HERC1: variants seen among roughly 807,000 people sequenced by gnomAD.
HERC1 encodes the protein probable E3 ubiquitin-protein ligase HERC1.
In HERC1, 160 loss-of-function variants were observed where a neutral mutation model predicts 554.3. That is an observed-to-expected ratio of 0.29 (90% CI 0.25 to 0.33). The LOEUF (loss-of-function observed/expected upper bound fraction) is 0.33, where lower values mean the gene tolerates loss of function less well. Among genes scored for constraint, HERC1 ranks in the 10% least tolerant of loss-of-function variants. The pLI, the probability that HERC1 is intolerant of heterozygous loss-of-function variation, is 1.00. For missense variants in HERC1, 4,919 were observed against 5,918.5 expected (o/e 0.83, Z 5.54); for synonymous variants, 2,175 against 2,131.7 (o/e 1.02, Z -0.56).
At position 63,678,097 on chromosome 15, in the gene HERC1, T is replaced by C. The variant is rs2071296070; in HGVS notation, c.6818A>G (p.Lys2273Arg). Residue 2273 changes from lysine (K) to arginine (R), a missense_variant, in exon 37 of 78, where the codon AAG becomes AGG. Around this residue, in one of 11 missense-constraint regions of HERC1, gnomAD observed 1,963 missense variants for 2,228.6 expected, o/e 0.88. Coordinates refer to ENST00000443617, the MANE Select transcript of HERC1 (RefSeq NM_003922.4). ...ACCTTTCTCTTCCTCTTTGCTCTCC[T>C]TCTCCTCTCTCATTTCATTTTCCTC... is the stretch of plus-strand genomic sequence containing the variant. ...SREENEMREEKESKEEEKGKH... is the reference protein window; with the variant it reads ...SREENEMREERESKEEEKGKH... 2.4e-5 allele frequency: 39 copies of C among 1,613,996 alleles called. No individual in the cohort carries two copies. The highest frequency in any genetic ancestry group is 3.2e-5 in the Non-Finnish European group (38 of 1,179,888).
At chr15:63,610,398 G>A (rs2067533200) in intron 77 of HERC1, among the ~76,000 whole-genome samples, 1 of 152,194 alleles carries the variant, frequency 6.6e-6, no homozygotes, top group Non-Finnish European at 1.5e-5. Context: ...AACCGACCAC[G>A]GTAGTCAGTT....
At chr15:63,625,833 C>A (rs1266267414) in intron 71 of HERC1, 152 bp downstream of exon 71, 14 of 804,100 alleles carry the variant, frequency 1.7e-5, no homozygotes, top group Non-Finnish European at 2.7e-5. Flanking sequence ...GTCCCTAACA[C>A]AGCAATAAAA....
Position 63,675,131 on chromosome 15 carries a change from C to G in HERC1, c.7071-14G>C. 6.4e-7 allele frequency: 1 copy of G among 1,561,476 alleles called. No homozygotes were observed. Among genetic ancestry groups the G allele is most frequent in the Non-Finnish European group, 8.7e-7 (1 of 1,154,578 alleles). On this transcript the variant is annotated splice_polypyrimidine_tract_variant and intron_variant, in intron 37 of 77. Transcript: ENST00000443617. Reference sequence around the variant, plus strand: ...AAAGTTGGGAAGCTTTAATAAAGATCAGAATGACACAGGAAGAAGCAAGTG... The same window carrying G: ...AAAGTTGGGAAGCTTTAATAAAGATGAGAATGACACAGGAAGAAGCAAGTG...
Position 63,674,721 on chromosome 15 carries a change from A to G in HERC1, c.7467T>C (p.His2489=), listed in dbSNP as rs745785326. The G allele has an allele frequency of 8.7e-6, 14 of 1,613,640 alleles. No homozygotes were observed. The highest frequency in any genetic ancestry group is 2.7e-5 in the African/African-American group (2 of 74,904). Residue 2489 remains histidine (H), a synonymous_variant, in exon 38 of 78, where the codon CAT becomes CAC. Transcript: ENST00000443617. ...HQITEGKRKN[H]EHMSKNHDVA... ...CATCATGGTTTTTGGACATGTGTTC[A>G]TGATTTTTTCTTTTCCCTTCTGTTA...
At chr15:63,616,820 T>C (rs994022996) in intron 74 of HERC1, 138 bp from the exon 75 acceptor site, 13 of 763,848 alleles carry the variant, frequency 1.7e-5, no homozygotes, top group African/African-American at 1.6e-4. Flanking sequence ...GCTAAAGTAA[T>C]TAAATAAAAC....
chr15:63,656,037 ATCAG>A, intron 49 of HERC1, 47 bp downstream of exon 49: 3 of 1,600,944 alleles, frequency 1.9e-6, no homozygotes, highest in Non-Finnish European at 2.6e-6. Flanking sequence ...AGGCTCAAGA[ATCAG>A]TCAGAAATAA....
At chr15:63,735,800 C>T (rs1288373892) in intron 12 of HERC1, among the ~76,000 whole-genome samples, 1 of 152,074 alleles carries the variant, frequency 6.6e-6, no homozygotes, top group Non-Finnish European at 1.5e-5. Context: ...AATTCAAGTA[C>T]ACAAGAAGAA....
In HERC1 at chr15:63,749,896, A is replaced by G. The variant is rs1450847186; in HGVS notation, c.1903-105T>C. Reference sequence around the variant, plus strand: ...AAACTAAAGTGTGGTTTGATAGTAAATAACTTTCTGATGTTAAAATCATTT... The same window carrying G: ...AAACTAAAGTGTGGTTTGATAGTAAGTAACTTTCTGATGTTAAAATCATTT... On this transcript the variant is annotated intron_variant, in intron 8 of 77. Coordinates refer to ENST00000443617, the MANE Select transcript of HERC1 (RefSeq NM_003922.4). The surrounding 1 kb of genome is among the most constrained non-coding windows in gnomAD (Gnocchi z 4.1). 5 of 922,064 alleles carry G rather than the reference A, an allele frequency of 5.4e-6. No homozygotes were observed. The highest frequency in any genetic ancestry group is 5.8e-5 in the East Asian group (2 of 34,688). The allele number at this position is 922,064 out of a possible 1,614,324, so 57.1% of individuals were successfully genotyped here.
chr15:63,820,020 G>T (rs902493055), intron 1 of HERC1, among the ~76,000 whole-genome samples: 4 of 152,236 alleles, frequency 2.6e-5, no homozygotes, highest in African/African-American at 9.6e-5. Flanking sequence ...ATGACTAAAT[G>T]AAGTAATGTA....
At chr15:63,654,965 G>A (rs1165901698) in intron 50 of HERC1, among the ~76,000 whole-genome samples, 1 of 152,166 alleles carries the variant, frequency 6.6e-6, no homozygotes, top group East Asian at 1.9e-4. Flanking sequence ...AAACCAGGAT[G>A]GAGATGGCAT....
At chr15:63,623,938 C>T (rs750918092) in intron 72 of HERC1, 48 bp from the exon 73 acceptor site, 2 of 1,585,408 alleles carry the variant, frequency 1.3e-6, no homozygotes, top group Non-Finnish European at 1.7e-6. Context: ...TTACCAATTT[C>T]CCCAAAATCA....
chr15:63,785,205 C>A (rs893076226), intron 1 of HERC1, among the ~76,000 whole-genome samples: 1 of 151,758 alleles, frequency 6.6e-6, no homozygotes, highest in Non-Finnish European at 1.5e-5. Flanking sequence ...TGGGAGGAAG[C>A]TTTAGGCCAG....
intron 25 of HERC1, among the ~76,000 whole-genome samples, chr15:63,702,787 A>C (rs1224939205): frequency 6.6e-6 from 1 of 152,190 alleles, no homozygotes; most frequent in Non-Finnish European, 1.5e-5. Flanking sequence ...AAGCAGAAGA[A>C]ATGTTTCATC....
Position 63,678,313 on chromosome 15 carries a change from C to T in HERC1, c.6602G>A (p.Gly2201Glu). The T allele has an allele frequency of 6.2e-7, 1 of 1,612,874 alleles. No individual in the cohort carries two copies. The highest frequency in any genetic ancestry group is 8.5e-7 in the Non-Finnish European group (1 of 1,179,490). Residue 2201 changes from glycine (G) to glutamate (E), a missense_variant, in exon 37 of 78, where the codon GGA becomes GAA. By Grantham distance (98) the Gly-to-Glu change is moderately conservative (BLOSUM62 -2). Transcript: ENST00000443617. ...TGCTACTGGACTACAAATAGGGTCT[C>T]CTGGAAGTAAGTCTCGGGGTGTGCC... ...MRGTPRDLLPGDPICSPVAAV... is the reference protein window; with the variant it reads ...MRGTPRDLLPEDPICSPVAAV...
At chr15:63,672,107 A>C (rs1180942123) in intron 39 of HERC1, among the ~76,000 whole-genome samples, 1 of 152,240 alleles carries the variant, frequency 6.6e-6, no homozygotes, top group Non-Finnish European at 1.5e-5. Context: ...GTATGCTTAA[A>C]ATGAAAACAA....
chr15:63,739,864 G>A (rs994009007), intron 12 of HERC1, among the ~76,000 whole-genome samples: 8 of 151,256 alleles, frequency 5.3e-5, no homozygotes, highest in African/African-American at 1.7e-4. Flanking sequence ...ATAAATAAAT[G>A]GACTTACACA....
intron 1 of HERC1, among the ~76,000 whole-genome samples, chr15:63,813,601 T>G (rs549236332): frequency 6.6e-6 from 1 of 152,288 alleles, no homozygotes; most frequent in Admixed American, 6.5e-5. Flanking sequence ...ATTTTTTACC[T>G]ACTCACCTAG....
At chr15:63,721,003 C>T (rs769580554) in intron 19 of HERC1, among the ~76,000 whole-genome samples, 4 of 152,060 alleles carry the variant, frequency 2.6e-5, no homozygotes, top group Non-Finnish European at 5.9e-5. Context: ...AACAAACAGA[C>T]CCATACAACA....
At chr15:63,663,225 G>A (rs778238626) in intron 43 of HERC1, 21 bp from the exon 44 acceptor site, 5 of 1,595,082 alleles carry the variant, frequency 3.1e-6, no homozygotes, top group Non-Finnish European at 3.4e-6. Context: ...AACAAAAAAG[G>A]CATTTTATTT....
Sources: allele counts gnomAD v4.1 joint callset (sites outside exome capture counted in the v4.1 genomes callset), GRCh38; gene constraint gnomAD v4.1.1; regional missense constraint gnomAD v4.1.1; non-coding constraint Gnocchi (gnomAD v3.1); transcripts MANE v1.5; gene names NCBI Gene and HGNC (gene_info 2026-07-23, HGNC 2026-07-21).